The following GAS5 variants were observed in gnomAD, a reference collection of about 807,000 sequenced individuals.
GAS5 encodes growth arrest specific 5 (non-protein coding).
chr1:173,864,755 T>C (rs2102676300), intron 6 of GAS5: 1 of 511,992 alleles, frequency 2.0e-6, no homozygotes, highest in Middle Eastern at 3.2e-4. Context: ...CAATTAGGAG[T>C]AATCCAAAAT....
chr1:173,867,018 CACTGCATCTGCACCCAGCACCAT>C lies in GAS5; in HGVS notation n.5_27del, dbSNP rs1263516011. 39 of 764,264 alleles carry C rather than the reference CACTGCATCTGCACCCAGCACCAT, an allele frequency of 5.1e-5. No homozygotes were observed. In the East Asian group the frequency reaches 8.0e-4, roughly 16 times the overall value. The allele number at this position is 764,264 out of a possible 1,614,324, so 47.3% of individuals were successfully genotyped here. A position where few individuals can be genotyped will look rare whatever the true frequency, so the allele number is the denominator to read the frequency against. On this transcript the variant is annotated non_coding_transcript_exon_variant, in exon 1 of 8. Transcript: ENST00000651080. ...GTCCATAAGGTGCTATCCAGAGCCA[CACTGCATCTGCACCCAGCACCAT>C]ACCTAAAGAGATCAGGTACAGATTT...
upstream of GAS5, chr1:173,867,094 T>C (rs1224193905): frequency 4.7e-6 from 3 of 633,500 alleles, no homozygotes; most frequent in Admixed American, 8.4e-5. Context: ...GTTCTTTTTT[T>C]TAAAGAGTGT....
At chr1:173,867,525 G>T (rs12091308), upstream of GAS5, 3,672 of 388,938 alleles carry the variant, frequency 9.4e-3, 98 homozygotes, top group African/African-American at 0.071. Context: ...AAAGAAAAAA[G>T]AAACACTAAT....
chr1:173,865,903 TAA>T (rs1428840857), intron 4 of GAS5: 7 of 518,922 alleles, frequency 1.3e-5, no homozygotes, highest in South Asian at 2.8e-5. Context: ...ACCTAAGAAA[TAA>T]GAGTGGTCTT....
chr1:173,867,052 A>G (rs1654824167), upstream of GAS5: 1 of 713,134 alleles, frequency 1.4e-6, no homozygotes, highest in Non-Finnish European at 2.5e-6. Context: ...ACCTAAAGAG[A>G]TCAGGTACAG....
At chr1:173,864,617 GTA>G (rs1572009749) in intron 6 of GAS5, 1 of 379,486 alleles carries the variant, frequency 2.6e-6, no homozygotes, top group East Asian at 7.2e-5. Flanking sequence ...AGATTAAGGT[GTA>G]TATGCCACCA....
chr1:173,866,923 T>C (rs12086583), intron 1 of GAS5: 1 of 765,486 alleles, frequency 1.3e-6, no homozygotes, highest in African/African-American at 1.7e-5. Context: ...CCACTACTCT[T>C]AAAGCATCAC....
chr1:173,865,585 C>T (rs1654460990), intron 5 of GAS5: 1 of 518,598 alleles, frequency 1.9e-6, no homozygotes, highest in South Asian at 1.4e-5. Flanking sequence ...AAATGCTAAA[C>T]ATCATTAAAC....
chr1:173,865,486 C>T (rs1654442357), exon 6 of GAS5: 1 of 507,242 alleles, frequency 2.0e-6, no homozygotes, highest in African/African-American at 1.9e-5. Flanking sequence ...AAAGGTATGA[C>T]AGGAACTGTC....
At chr1:173,864,702 G>A in intron 6 of GAS5, 1 of 436,954 alleles carries the variant, frequency 2.3e-6, no homozygotes, top group South Asian at 1.6e-5. Context: ...TGAATTCTGA[G>A]TCCTGAAATT....
At chr1:173,866,059 A>G (rs747026122) in intron 4 of GAS5, 2 of 519,122 alleles carry the variant, frequency 3.9e-6, no homozygotes, top group South Asian at 2.8e-5. Context: ...ATTAATCATA[A>G]CAAGACAAGA....
At chr1:173,867,919 A>T, upstream of GAS5, 1 of 368,350 alleles carries the variant, frequency 2.7e-6, no homozygotes, top group Non-Finnish European at 5.4e-6. Context: ...CAAAGGCTGG[A>T]GCGCCCCAAA....
rs1463522612 is a variant in GAS5 at position 173,864,912 on chromosome 1, T to TA, written n.276+558dup. On this transcript the variant is annotated intron_variant and non_coding_transcript_variant, in intron 6 of 7. Coordinates refer to ENST00000651080, the Ensembl canonical transcript of GAS5. Reference sequence around the variant, plus strand: ...TATGTTATCATCATTGTATCGGCTTTACAACACTTAAAAACCAGACTTGAG... The same window carrying TA: ...TATGTTATCATCATTGTATCGGCTTTAACAACACTTAAAAACCAGACTTGAG... The TA allele has an allele frequency of 5.8e-6, 3 of 517,930 alleles. No homozygotes were observed. The Admixed American group carries it at 5.8e-5, about 10-fold the overall frequency. The allele number at this position is 517,930 out of a possible 1,614,324, so 32.1% of individuals were successfully genotyped here.
At chr1:173,866,267 T>G (rs915240464) in intron 3 of GAS5, 1 of 508,350 alleles carries the variant, frequency 2.0e-6, no homozygotes, top group Admixed American at 2.0e-5. Context: ...GGTGGTACAC[T>G]GCTTAACCAT....
chr1:173,867,150 C>G, upstream of GAS5: 1 of 591,298 alleles, frequency 1.7e-6, no homozygotes, highest in East Asian at 2.8e-5. Context: ...ATGCAGGTAA[C>G]ATACCATTCA....
chr1:173,866,881 C>A, intron 1 of GAS5: 1 of 765,468 alleles, frequency 1.3e-6, no homozygotes, highest in Non-Finnish European at 2.4e-6. Context: ...AACATTAAAG[C>A]CTCAGAATAG....
upstream of GAS5, chr1:173,867,817 T>C (rs538663987): frequency 1.9e-6 from 1 of 515,262 alleles, no homozygotes; most frequent in African/African-American, 1.9e-5. Flanking sequence ...ATGCACCATA[T>C]GTGCAATCCC....
upstream of GAS5, chr1:173,868,028 T>C (rs1655097011): frequency 1.1e-5 from 2 of 180,548 alleles, no homozygotes; most frequent in South Asian, 9.0e-5. Flanking sequence ...AAGAGTTCTT[T>C]TGATGACGTC....
At chr1:173,867,581 A>G (rs1473908879), upstream of GAS5, 2 of 509,364 alleles carry the variant, frequency 3.9e-6, no homozygotes, top group Admixed American at 2.0e-5. Flanking sequence ...AAGCACGTGG[A>G]CTACCACCGA....
Sources: allele counts gnomAD v4.1 joint callset, GRCh38; gene constraint gnomAD v4.1.1; transcripts MANE v1.5; gene names NCBI Gene and HGNC (gene_info 2026-07-23, HGNC 2026-07-21).